Variants in ELMO2 observed in about 807,000 individuals in gnomAD.
ELMO2 encodes the protein engulfment and cell motility protein 2.
A neutral mutation model predicts 96.2 loss-of-function variants in ELMO2; 37 were observed. That is an observed-to-expected ratio of 0.38 (90% CI 0.30 to 0.51). ELMO2 has a LOEUF of 0.51. Ranked by LOEUF, ELMO2 falls within the 20% of genes least tolerant of loss-of-function variation. The pLI, the probability that ELMO2 is intolerant of heterozygous loss-of-function variation, is 0.88. For synonymous variants in ELMO2, 315 were observed against 329.4 expected, an observed-to-expected ratio of 0.96 and a Z score of 0.47; for missense variants, 561 against 912.6, an observed-to-expected ratio of 0.61 and a Z score of 4.96.
chr20:46,397,594 C>A (rs1321310911), intron 2 of ELMO2, among the ~76,000 whole-genome samples: 1 of 152,136 alleles, frequency 6.6e-6, no homozygotes, highest in Non-Finnish European at 1.5e-5. Context: ...CAGCTTGAAC[C>A]CAGGAGGCGG....
intron 1 of ELMO2, among the ~76,000 whole-genome samples, chr20:46,403,355 A>G (rs1639912367): frequency 6.6e-6 from 1 of 152,244 alleles, no homozygotes; most frequent in South Asian, 2.1e-4. Context: ...TGCCTGGCAA[A>G]TAAGAAGTGC....
chr20:46,376,314 C>G (rs2060753448), intron 11 of ELMO2, among the ~76,000 whole-genome samples: 1 of 152,140 alleles, frequency 6.6e-6, no homozygotes, highest in African/African-American at 2.4e-5. Flanking sequence ...CACTCTCCTA[C>G]CAGCTCCCTC....
chr20:46,398,519 G>A (rs1198137830), intron 2 of ELMO2, among the ~76,000 whole-genome samples, 178 bp downstream of exon 2: 1 of 152,074 alleles, frequency 6.6e-6, no homozygotes, highest in Non-Finnish European at 1.5e-5. Context: ...CACCATGTTG[G>A]CCAGGCTGGT....
At chr20:46,397,207 T>C (rs554885614) in intron 2 of ELMO2, among the ~76,000 whole-genome samples, 2 of 152,338 alleles carry the variant, frequency 1.3e-5, no homozygotes, top group East Asian at 1.9e-4. Context: ...CACCAAACTA[T>C]TTGAAAGATA....
In ELMO2 at chr20:46,374,098, GT is replaced by G. The variant is rs60843274; in HGVS notation, c.1279+233del. Among the ~76,000 whole-genome samples the G allele has an allele frequency of 0.55, 34,836 of 63,008 alleles. 9,065 individuals are homozygous for G. The highest frequency in any genetic ancestry group is 0.7 in the East Asian group (1,046 of 1,492). 41.3% of individuals were successfully genotyped at this position (63,008 alleles called of 152,430 possible). On this transcript the variant is annotated intron_variant, in intron 15 of 21. Transcript: ENST00000290246. Reference sequence around the variant, plus strand: ...TGCACTACCAGTTGGCTAATTTTTGGTTTTTTTTTTTTTTTTTTTTTTTTTT... The same window carrying G: ...TGCACTACCAGTTGGCTAATTTTTGGTTTTTTTTTTTTTTTTTTTTTTTTT...
rs771678995 is a variant in ELMO2, at chr20:46,393,095, G to C, written c.241C>G (p.Pro81Ala). The C allele has an allele frequency of 6.4e-5, 104 of 1,613,734 alleles. No individual in the cohort carries two copies. Among genetic ancestry groups the C allele is most frequent in the Non-Finnish European group, 8.4e-5 (99 of 1,179,778 alleles). Residue 81 changes from proline (P) to alanine (A), a missense_variant and splice_region_variant, in exon 6 of 22, where the codon CCG (proline) becomes GCG (alanine). Pro to Ala is a conservative substitution (Grantham distance 27, BLOSUM62 -1). Transcript: ENST00000290246. ...NGTILQLAIS[P>A]SRAARQLMER... is the part of the protein sequence containing the mutation. Reference sequence around the variant, plus strand: ...CCTAAGGAAGAAAGAATACCTACCGGGGAGATAGCCAGTTGTAAGATTGTC... The same window carrying C: ...CCTAAGGAAGAAAGAATACCTACCGCGGAGATAGCCAGTTGTAAGATTGTC...
intron 15 of ELMO2, 114 bp from the exon 16 acceptor site, chr20:46,373,649 G>A (rs1600827383): frequency 3.7e-6 from 5 of 1,352,778 alleles, no homozygotes; most frequent in East Asian, 2.4e-5. Flanking sequence ...CCTAAGGCGC[G>A]CAATTAACAG....
At chr20:46,393,676 A>C in intron 4 of ELMO2, 75 bp from the exon 5 acceptor site, 4 of 1,511,584 alleles carry the variant, frequency 2.6e-6, no homozygotes, top group Non-Finnish European at 3.7e-6. Flanking sequence ...AATTTTCAAA[A>C]GAGTTGCTCA....
At chr20:46,400,260 C>G (rs1169083755) in intron 1 of ELMO2, among the ~76,000 whole-genome samples, 1 of 152,256 alleles carries the variant, frequency 6.6e-6, no homozygotes, top group Non-Finnish European at 1.5e-5. Context: ...AAACCTCCCT[C>G]TGCTTTTCTC....
chr20:46,402,538 A>C (rs1263496813), intron 1 of ELMO2, among the ~76,000 whole-genome samples: 1 of 152,264 alleles, frequency 6.6e-6, no homozygotes, highest in Non-Finnish European at 1.5e-5. Context: ...ATTAAACTTT[A>C]GAAAACCGTG....
intron 11 of ELMO2, among the ~76,000 whole-genome samples, chr20:46,378,970 C>G (rs2059908858): frequency 6.6e-6 from 1 of 152,080 alleles, no homozygotes; most frequent in Admixed American, 6.6e-5. Flanking sequence ...CCAGGTTTCC[C>G]TTGTTTCTGA....
chr20:46,372,691 A>C (rs563364326), intron 16 of ELMO2: 1 of 152,280 alleles, frequency 6.6e-6, no homozygotes, highest in Non-Finnish European at 1.5e-5. Context: ...TGGTGTTTTA[A>C]AAAAATGCAT....
chr20:46,392,306 T>A (rs181113916), intron 6 of ELMO2, among the ~76,000 whole-genome samples: 62 of 152,232 alleles, frequency 4.1e-4, no homozygotes, highest in Admixed American at 1.4e-3. Context: ...TTCTCCCCTT[T>A]CCTTCCACAT....
At chr20:46,386,361 C>T in intron 8 of ELMO2, 86 bp from the exon 9 acceptor site, 1 of 1,533,514 alleles carries the variant, frequency 6.5e-7, no homozygotes, top group Admixed American at 1.8e-5. Context: ...CCTTGAAGCT[C>T]TCTCTGCTTC....
intron 21 of ELMO2, 80 bp from the exon 22 acceptor site, chr20:46,367,640 G>T: frequency 1.7e-6 from 2 of 1,188,604 alleles, no homozygotes; most frequent in Non-Finnish European, 1.2e-6. Flanking sequence ...TTTCTGATGG[G>T]GCTCACAACA....
chr20:46,366,515 GC>G lies in ELMO2; in HGVS notation c.*844del, dbSNP rs1344628472. 6.5e-6 allele frequency: 1 copy of G among 152,674 alleles called. No individual in the cohort carries two copies. Among genetic ancestry groups the G allele is most frequent in the Non-Finnish European group, 1.5e-5 (1 of 68,132 alleles). 9.5% of individuals were successfully genotyped at this position (152,674 alleles called of 1,614,324 possible). A position where few individuals can be genotyped will look rare whatever the true frequency, so the allele number is the denominator to read the frequency against. On this transcript the variant is annotated 3_prime_UTR_variant, in exon 22 of 22. Coordinates refer to ENST00000290246, the MANE Select transcript of ELMO2 (RefSeq NM_133171.5). ...CTGGGGTCTGGAAGGCCAAAGGAAAGCAAACTGGAGGGGGCTGCAATTCAGG... is the reference window on the plus strand; with the variant it reads ...CTGGGGTCTGGAAGGCCAAAGGAAAGAAACTGGAGGGGGCTGCAATTCAGG...
intron 1 of ELMO2, among the ~76,000 whole-genome samples, chr20:46,405,829 A>G (rs867798097): frequency 6.9e-4 from 105 of 152,196 alleles, no homozygotes; most frequent in African/African-American, 2.5e-3. Context: ...GGTTGCTGTG[A>G]GCCGAGATCG....
At chr20:46,391,240 G>T (rs2060145290) in intron 6 of ELMO2, among the ~76,000 whole-genome samples, 1 of 152,112 alleles carries the variant, frequency 6.6e-6, no homozygotes, top group African/African-American at 2.4e-5. Flanking sequence ...GAGGAATATG[G>T]GCCTAGAGTC....
Position 46,371,578 on chromosome 20 carries a change from C to G in ELMO2, c.1693+1G>C, listed in dbSNP as rs1229211094. 1.2e-6 allele frequency: 2 copies of G among 1,603,748 alleles called. No homozygotes were observed. On this transcript the variant is annotated splice_donor_variant, in intron 18 of 21. Transcript: ENST00000290246. LOFTEE classifies it high-confidence loss of function. The surrounding 1 kb of genome is among the most constrained non-coding windows in gnomAD (Gnocchi z 5.9). ...CCAAGGATTGCCCCGTCTCCTCTCA[C>G]CTTGCCTTCGGCGGTTCCCAATCTT...
Sources: allele counts gnomAD v4.1 joint callset (sites outside exome capture counted in the v4.1 genomes callset), GRCh38; gene constraint gnomAD v4.1.1; non-coding constraint Gnocchi (gnomAD v3.1); transcripts MANE v1.5; gene names NCBI Gene and HGNC (gene_info 2026-07-23, HGNC 2026-07-21).